The following DCLRE1C variants were observed in gnomAD, a reference collection of about 807,000 sequenced individuals.
DCLRE1C encodes DNA cross-link repair 1C.
Under a neutral mutation model 61.4 loss-of-function variants are expected in DCLRE1C, and 47 were observed. The observed-to-expected ratio is 0.77, with a 90% CI of 0.61 to 0.98. The LOEUF (loss-of-function observed/expected upper bound fraction) is 0.98. DCLRE1C is among the 50% of genes least tolerant of loss of function. The pLI, the probability that DCLRE1C is intolerant of heterozygous loss-of-function variation, is 0.00. For synonymous variants in DCLRE1C, 337 were observed against 287.6 expected, an observed-to-expected ratio of 1.17 and a Z score of -1.74; for missense variants, 858 against 816.0, an observed-to-expected ratio of 1.05 and a Z score of -0.63.
intron 1 of DCLRE1C, among the ~76,000 whole-genome samples, chr10:14,950,213 G>A (rs774794481): frequency 1.9e-4 from 29 of 151,910 alleles, no homozygotes; most frequent in Non-Finnish European, 3.1e-4. Context: ...GGTGGCGCAT[G>A]GCTGTAATCC....
intron 1 of DCLRE1C, among the ~76,000 whole-genome samples, chr10:14,952,209 G>T (rs749985042): frequency 2.0e-5 from 3 of 152,018 alleles, no homozygotes; most frequent in African/African-American, 4.8e-5. Context: ...AGCCCATTTT[G>T]AGTTCAGAGA....
Position 14,953,887 on chromosome 10 carries a change from G to A in DCLRE1C, c.109+15C>T, listed in dbSNP as rs376460614. ...CCAGCGCCCCGGGAGCGGGCGACGC[G>A]CAGCCCTCACTCACCTTTGTGGCAG... On this transcript the variant is annotated intron_variant, in intron 1 of 13. Transcript: ENST00000378278. 8 of 1,613,458 alleles carry A rather than the reference G, an allele frequency of 5.0e-6. No individual in the cohort carries two copies. In the African/African-American group the frequency reaches 1.1e-4, roughly 22 times the overall value.
chr10:14,899,468 T>C lies in DCLRE1C; in HGVS notation c.1157-156A>G. 9.3e-6 allele frequency: 14 copies of C among 1,513,166 alleles called. No individual in the cohort carries two copies. The South Asian group carries it at 1.7e-4, about 18-fold the overall frequency. The allele number at this position is 1,513,166 out of a possible 1,614,324, so 93.7% of individuals were successfully genotyped here. ...TAAATATTTGTAGGTATTCGCATAT[T>C]AGTAGATAGGTAGATGAATGCTTCT... On this transcript the variant is annotated intron_variant, in intron 13 of 13. Transcript: ENST00000378289.
intron 13 of DCLRE1C, among the ~76,000 whole-genome samples, chr10:14,914,644 A>G (rs980228887): frequency 6.6e-6 from 1 of 152,236 alleles, no homozygotes; most frequent in Non-Finnish European, 1.5e-5. Flanking sequence ...ATTCTGGACC[A>G]TAAATTTCAA....
At chr10:14,926,555 G>A (rs1380463307) in intron 11 of DCLRE1C, among the ~76,000 whole-genome samples, 2 of 151,562 alleles carry the variant, frequency 1.3e-5, no homozygotes, top group Admixed American at 1.3e-4. Flanking sequence ...TCGGGAGGCT[G>A]AGGCAGGAGA....
chr10:14,945,545 C>T (rs1841540531), intron 2 of DCLRE1C: 3 of 1,094,974 alleles, frequency 2.7e-6, no homozygotes, highest in Middle Eastern at 4.2e-4. Context: ...GAAATACGCG[C>T]TTGTATGTGA....
chr10:14,924,601 C>T (rs968489767), intron 11 of DCLRE1C, among the ~76,000 whole-genome samples: 1 of 152,144 alleles, frequency 6.6e-6, no homozygotes, highest in Non-Finnish European at 1.5e-5. Flanking sequence ...GTAATTCCAG[C>T]ACTTTGGGAG....
At position 14,907,427 on chromosome 10, in the gene DCLRE1C, T is replaced by C. The variant is rs573472545; in HGVS notation, c.*981A>G. Reference sequence around the variant, plus strand: ...GTGTGTTCTATAAATGTCAATTTAATCCAGTCGGCTTATGATTTTCAGTTC... The same window carrying C: ...GTGTGTTCTATAAATGTCAATTTAACCCAGTCGGCTTATGATTTTCAGTTC... On this transcript the variant is annotated 3_prime_UTR_variant, in exon 14 of 14. Coordinates refer to ENST00000378278, the MANE Select transcript of DCLRE1C (RefSeq NM_001033855.3). 2.0e-4 allele frequency among the ~76,000 whole-genome samples: 30 copies of C among 151,970 alleles called. No individual in the cohort carries two copies. The highest frequency in any genetic ancestry group is 1.2e-3 in the Admixed American group (19 of 15,236).
chr10:14,928,540 C>T (rs758097219), intron 9 of DCLRE1C, among the ~76,000 whole-genome samples: 33 of 152,288 alleles, frequency 2.2e-4, no homozygotes, highest in Non-Finnish European at 4.3e-4. Flanking sequence ...TGAACACGGA[C>T]TGTGTAACAG....
At chr10:14,935,820 T>C (rs1256066849) in intron 5 of DCLRE1C, among the ~76,000 whole-genome samples, 8 of 152,242 alleles carry the variant, frequency 5.3e-5, no homozygotes, top group Non-Finnish European at 1.5e-5. Flanking sequence ...TTCAATTATA[T>C]GTTGAGATCA....
intron 10 of DCLRE1C, among the ~76,000 whole-genome samples, chr10:14,927,596 G>A (rs1461450820): frequency 8.0e-6 from 1 of 125,414 alleles, no homozygotes; most frequent in Non-Finnish European, 1.6e-5. Flanking sequence ...AGGAGAGGGA[G>A]GGAAGAAGGG....
intron 13 of DCLRE1C, among the ~76,000 whole-genome samples, chr10:14,917,029 G>A (rs191881013): frequency 3.5e-4 from 54 of 152,338 alleles, no homozygotes; most frequent in African/African-American, 1.3e-3. Context: ...CAGTAATCGA[G>A]ATGGGTGATA....
chr10:14,910,911 C>T (rs1269138976), intron 13 of DCLRE1C, among the ~76,000 whole-genome samples: 2 of 152,158 alleles, frequency 1.3e-5, no homozygotes, highest in Admixed American at 6.5e-5. Flanking sequence ...TGCCTGACTC[C>T]CTGCTTCATA....
Position 14,926,917 on chromosome 10 carries a change from C to T in DCLRE1C, c.918-20G>A, listed in dbSNP as rs1554784794. 1.2e-6 allele frequency: 2 copies of T among 1,609,562 alleles called. No homozygotes were observed. Among genetic ancestry groups the T allele is most frequent in the South Asian group, 1.1e-5 (1 of 90,924 alleles). The stretch of plus-strand genomic sequence containing the variant: ...CCAGTCCTAAAGGGAAGTGAAAACA[C>T]AAAATAAAAAGATCACTGAGCAAAA... On this transcript the variant is annotated intron_variant, in intron 10 of 13. Coordinates refer to ENST00000378278, the MANE Select transcript of DCLRE1C (RefSeq NM_001033855.3).
In DCLRE1C at chr10:14,907,566, C is replaced by T. The variant is rs1834519118; in HGVS notation, c.*842G>A. Reference sequence around the variant, plus strand: ...TGTCTCTTTTCAGCTGTTCTAGCTTCATAAATTTTTGGAGCTGTTAGGTGC... The same window carrying T: ...TGTCTCTTTTCAGCTGTTCTAGCTTTATAAATTTTTGGAGCTGTTAGGTGC... On this transcript the variant is annotated 3_prime_UTR_variant, in exon 14 of 14. Coordinates refer to ENST00000378278, the MANE Select transcript of DCLRE1C (RefSeq NM_001033855.3). Among the ~76,000 whole-genome samples, 2 of 152,056 alleles carry T rather than the reference C, an allele frequency of 1.3e-5. No homozygotes were observed. Among genetic ancestry groups the T allele is most frequent in the East Asian group, 1.9e-4 (1 of 5,192 alleles).
rs191106112 is a variant in DCLRE1C at position 14,919,275 on chromosome 10, G to A, written c.1156+463C>T. On this transcript the variant is annotated intron_variant, in intron 13 of 13. Coordinates refer to ENST00000378278, the MANE Select transcript of DCLRE1C (RefSeq NM_001033855.3). ...AAAATCAAAGTAGCAATGAAAGAAG[G>A]TACAAAGTATAGAGAAAAATCCTTC... Among the ~76,000 whole-genome samples, 17 of 152,208 alleles carry A rather than the reference G, an allele frequency of 1.1e-4. No individual in the cohort carries two copies. The East Asian group carries it at 3.3e-3, about 29-fold the overall frequency.
chr10:14,932,395 TGG>T (rs1007643032), intron 9 of DCLRE1C, among the ~76,000 whole-genome samples: 17 of 152,110 alleles, frequency 1.1e-4, no homozygotes, highest in African/African-American at 4.1e-4. Flanking sequence ...ACCAGCACTT[TGG>T]GAGGCCGAGG....
chr10:14,900,621 A>G (rs1157812480), downstream of DCLRE1C, among the ~76,000 whole-genome samples: 1 of 152,178 alleles, frequency 6.6e-6, no homozygotes. Context: ...TTTTTCTTGC[A>G]TATTCCGTAA....
At chr10:14,901,219 C>T, downstream of DCLRE1C, 1 of 1,613,994 alleles carries the variant, frequency 6.2e-7, no homozygotes, top group East Asian at 2.2e-5. Context: ...CCACAAGAAC[C>T]ATAAATGCTG....
Sources: allele counts gnomAD v4.1 joint callset (sites outside exome capture counted in the v4.1 genomes callset), GRCh38; gene constraint gnomAD v4.1.1; transcripts MANE v1.5; gene names NCBI Gene and HGNC (gene_info 2026-07-23, HGNC 2026-07-21).